Variants in PDE4D observed in about 807,000 individuals in gnomAD.
PDE4D encodes 3',5'-cyclic-AMP phosphodiesterase 4D.
In PDE4D, 24 loss-of-function variants were observed where a neutral mutation model predicts 87.4. The observed-to-expected ratio is 0.27, with a 90% CI of 0.20 to 0.39. The LOEUF (loss-of-function observed/expected upper bound fraction) is 0.39. Ranked by LOEUF, PDE4D falls within the 10% of genes least tolerant of loss-of-function variation. The pLI, the probability that PDE4D is intolerant of heterozygous loss-of-function variation, is 1.00. For missense variants in PDE4D, 714 were observed against 1,041.0 expected, an observed-to-expected ratio of 0.69 and a Z score of 4.32; for synonymous variants, 384 against 383.2, an observed-to-expected ratio of 1.00 and a Z score of -0.02.
chr5:59,013,185 C>G (rs1206412949), intron 6 of PDE4D, among the ~76,000 whole-genome samples: 1 of 152,094 alleles, frequency 6.6e-6, no homozygotes, highest in East Asian at 1.9e-4. Context: ...TAAGTGCCCA[C>G]AAGAGAAAGC....
intron 1 of PDE4D, among the ~76,000 whole-genome samples, chr5:59,302,297 CTT>C (rs1232439677): frequency 6.6e-6 from 1 of 152,166 alleles, no homozygotes. Context: ...GGCACTCAAT[CTT>C]TTAAATTTTC....
chr5:60,240,128 A>G (rs944510941), intron 1 of PDE4D, among the ~76,000 whole-genome samples: 1 of 152,062 alleles, frequency 6.6e-6, no homozygotes, highest in African/African-American at 2.4e-5. Flanking sequence ...TTATTAATAC[A>G]CACATTTTTC....
At chr5:60,021,475 A>G (rs1561988362) in intron 2 of PDE4D, 1 of 152,248 alleles carries the variant, frequency 6.6e-6, no homozygotes, top group Non-Finnish European at 1.5e-5. Flanking sequence ...TAACGTGGCA[A>G]ACAACAAAAG....
rs895031332 is a variant in PDE4D, at chr5:58,992,085, A to G, written c.1016-81T>C. 1.5e-5 allele frequency: 13 copies of G among 843,526 alleles called. No individual in the cohort carries two copies. In the Admixed American group the frequency reaches 3.5e-4, roughly 23 times the overall value. 52.3% of individuals were successfully genotyped at this position (843,526 alleles called of 1,614,324 possible). A position where few individuals can be genotyped will look rare whatever the true frequency, so the allele number is the denominator to read the frequency against. On this transcript the variant is annotated intron_variant, in intron 7 of 14. Coordinates refer to ENST00000340635, the MANE Select transcript of PDE4D (RefSeq NM_001104631.2). Reference sequence around the variant, plus strand: ...CATATGCATAATTGGAAGGATTATAATTGATCATTATATATTCCAGGAAAT... The same window carrying G: ...CATATGCATAATTGGAAGGATTATAGTTGATCATTATATATTCCAGGAAAT...
intron 1 of PDE4D, among the ~76,000 whole-genome samples, chr5:59,885,365 T>C (rs1287005752): frequency 2.0e-5 from 3 of 152,174 alleles, no homozygotes; most frequent in African/African-American, 4.8e-5. Flanking sequence ...ATTGTCATTT[T>C]TAAATAAGCC....
At chr5:59,417,098 T>G (rs1014940566) in intron 1 of PDE4D, among the ~76,000 whole-genome samples, 1 of 152,296 alleles carries the variant, frequency 6.6e-6, no homozygotes, top group Admixed American at 6.5e-5. Flanking sequence ...TTCTAGGTAT[T>G]ATTTTAACAT....
At chr5:59,071,016 C>T (rs180851310) in intron 5 of PDE4D, among the ~76,000 whole-genome samples, 17 of 152,296 alleles carry the variant, frequency 1.1e-4, no homozygotes, top group African/African-American at 3.1e-4. Context: ...ATCAGAGATA[C>T]ATTTTTTAAA....
chr5:59,842,652 A>C (rs1018257208), intron 1 of PDE4D, among the ~76,000 whole-genome samples: 7 of 152,222 alleles, frequency 4.6e-5, no homozygotes, highest in Middle Eastern at 3.4e-3. Context: ...TGGCCACATA[A>C]TAATTTGTCT....
intron 2 of PDE4D, among the ~76,000 whole-genome samples, chr5:59,205,797 A>G (rs1192224723): frequency 6.6e-6 from 1 of 152,156 alleles, no homozygotes; most frequent in Non-Finnish European, 1.5e-5. Context: ...ACATGGAAAT[A>G]TGAGATCTGC....
intron 1 of PDE4D, among the ~76,000 whole-genome samples, chr5:59,852,423 A>G (rs1304601166): frequency 6.6e-6 from 1 of 152,092 alleles, no homozygotes; most frequent in Non-Finnish European, 1.5e-5. Context: ...CCCACAAACC[A>G]TGAAGATCCT....
intron 5 of PDE4D, among the ~76,000 whole-genome samples, chr5:59,166,658 A>G (rs886750298): frequency 2.0e-5 from 3 of 152,204 alleles, no homozygotes; most frequent in Non-Finnish European, 2.9e-5. Context: ...ATACTTCTTA[A>G]AAAACTCTTT....
At chr5:59,002,341 GC>G (rs1409627420) in intron 6 of PDE4D, among the ~76,000 whole-genome samples, 2 of 152,160 alleles carry the variant, frequency 1.3e-5, no homozygotes, top group East Asian at 1.9e-4. Flanking sequence ...CTCTTAATGA[GC>G]CACACTGTCC....
At chr5:59,729,575 G>A (rs1429112709) in intron 1 of PDE4D, among the ~76,000 whole-genome samples, 1 of 151,990 alleles carries the variant, frequency 6.6e-6, no homozygotes, top group Non-Finnish European at 1.5e-5. Context: ...TCCAGAAACA[G>A]ATGAGGTCTG....
chr5:59,879,486 A>G (rs899518833), intron 1 of PDE4D, among the ~76,000 whole-genome samples: 1 of 152,238 alleles, frequency 6.6e-6, no homozygotes, highest in Admixed American at 6.5e-5. Flanking sequence ...TGGCAGTTAT[A>G]TTCTGTTAAA....
At chr5:59,402,656 G>A (rs770932604) in intron 1 of PDE4D, among the ~76,000 whole-genome samples, 2 of 151,976 alleles carry the variant, frequency 1.3e-5, no homozygotes, top group Non-Finnish European at 2.9e-5. Context: ...TGGTTGCTTT[G>A]GTTCCTTTTA....
intron 1 of PDE4D, among the ~76,000 whole-genome samples, chr5:59,844,758 A>G (rs982278167): frequency 2.0e-5 from 3 of 152,170 alleles, no homozygotes; most frequent in Admixed American, 2.0e-4. Flanking sequence ...CACTCCCATG[A>G]TTAGGTTATT....
chr5:59,748,642 G>A (rs1002261200), intron 1 of PDE4D, among the ~76,000 whole-genome samples: 1 of 129,400 alleles, frequency 7.7e-6, no homozygotes, highest in African/African-American at 2.9e-5. Flanking sequence ...CACACACCGG[G>A]GCCTATTGTG....
At chr5:60,118,644 A>G (rs1229187756) in intron 2 of PDE4D, among the ~76,000 whole-genome samples, 3 of 151,454 alleles carry the variant, frequency 2.0e-5, no homozygotes, top group African/African-American at 4.9e-5. Context: ...GTGGGCTCAA[A>G]TGGCCATTCA....
At chr5:59,151,409 T>G (rs1384719012) in intron 5 of PDE4D, among the ~76,000 whole-genome samples, 1 of 152,150 alleles carries the variant, frequency 6.6e-6, no homozygotes, top group Non-Finnish European at 1.5e-5. Flanking sequence ...TTGACTAACA[T>G]GTAGAAATTG....
Sources: allele counts gnomAD v4.1 joint callset (sites outside exome capture counted in the v4.1 genomes callset), GRCh38; gene constraint gnomAD v4.1.1; transcripts MANE v1.5; gene names NCBI Gene and HGNC (gene_info 2026-07-23, HGNC 2026-07-21).